DRC11: variants seen among roughly 807,000 people sequenced by gnomAD.
The protein encoded by DRC11 is dynein regulatory complex subunit 11.
chr2:236,314,002 T>C, the DRC11 span, among the ~76,000 whole-genome samples: 9 of 152,192 alleles, frequency 5.9e-5, no homozygotes, highest in Non-Finnish European at 1.2e-4. This position sits in a 1 kb window ranked among gnomAD's most constrained non-coding sequence, Gnocchi z 4.5. Flanking sequence ...GCTGTGCTCA[T>C]GGATACACAA....
chr2:236,451,911 T>A, the DRC11 span, among the ~76,000 whole-genome samples: 1 of 152,202 alleles, frequency 6.6e-6, no homozygotes, highest in Non-Finnish European at 1.5e-5. Context: ...GCTTTATTCA[T>A]TTAGTTATTT....
chr2:236,482,790 T>C, the DRC11 span, among the ~76,000 whole-genome samples: 1 of 152,226 alleles, frequency 6.6e-6, no homozygotes, highest in African/African-American at 2.4e-5. The surrounding 1 kb of genome is among the most constrained non-coding windows in gnomAD (Gnocchi z 4.5). Context: ...GAATCTCATG[T>C]AATTTTTATT....
At chr2:236,429,187 C>T in the DRC11 span, among the ~76,000 whole-genome samples, 4 of 152,080 alleles carry the variant, frequency 2.6e-5, no homozygotes, top group African/African-American at 4.8e-5. This position sits in a 1 kb window ranked among gnomAD's most constrained non-coding sequence, Gnocchi z 5.9. Flanking sequence ...GTGGTGGCTC[C>T]GAATCTGGGG....
the DRC11 span, among the ~76,000 whole-genome samples, chr2:236,459,672 C>CGTATATATGTATATACATACGTATATAT: frequency 1.4e-5 from 2 of 142,856 alleles, no homozygotes; most frequent in African/African-American, 5.2e-5. Flanking sequence ...TACGTATATA[C>CGTATATATGTATATACATACGTATATAT]GTATATATGT....
At chr2:236,378,674 CAA>C in the DRC11 span, among the ~76,000 whole-genome samples, 2,455 of 59,132 alleles carry the variant, frequency 0.042, 68 homozygotes, top group African/African-American at 0.12. Flanking sequence ...GACTCCGTCT[CAA>C]AAAAAAAAAA....
At chr2:236,441,360 A>G in the DRC11 span, among the ~76,000 whole-genome samples, 2 of 151,878 alleles carry the variant, frequency 1.3e-5, no homozygotes, top group South Asian at 4.2e-4. Flanking sequence ...TCTTTAAAAC[A>G]TATTGTACTT....
At chr2:236,338,041 C>A in the DRC11 span, among the ~76,000 whole-genome samples, 1 of 152,260 alleles carries the variant, frequency 6.6e-6, no homozygotes, top group Non-Finnish European at 1.5e-5. Context: ...TTTATATCTG[C>A]AGCACATGCT....
the DRC11 span, among the ~76,000 whole-genome samples, chr2:236,319,307 G>T: frequency 7.2e-5 from 11 of 152,342 alleles, no homozygotes; most frequent in African/African-American, 2.6e-4. The surrounding 1 kb of genome is among the most constrained non-coding windows in gnomAD (Gnocchi z 6.7). Context: ...CCTCACGATA[G>T]CGCAGGGAGG....
the DRC11 span, among the ~76,000 whole-genome samples, chr2:236,395,217 G>A: frequency 6.6e-6 from 1 of 152,128 alleles, no homozygotes; most frequent in Non-Finnish European, 1.5e-5. Context: ...TTCACACGGG[G>A]CAGGTGGCCA....
At chr2:236,417,963 T>A in the DRC11 span, among the ~76,000 whole-genome samples, 1 of 152,230 alleles carries the variant, frequency 6.6e-6, no homozygotes, top group Admixed American at 6.5e-5. Flanking sequence ...CACATTTTCT[T>A]TATCCAGTCT....
the DRC11 span, among the ~76,000 whole-genome samples, chr2:236,384,234 C>T: frequency 3.9e-5 from 6 of 152,014 alleles, no homozygotes; most frequent in African/African-American, 9.7e-5. Context: ...CCTGAGGCAT[C>T]GCCACACTGA....
the DRC11 span, among the ~76,000 whole-genome samples, chr2:236,357,159 C>CATATATATCTGTATATTATATATTCAT: frequency 4.8e-5 from 4 of 83,946 alleles, 1 homozygote; most frequent in Non-Finnish European, 8.8e-5. Flanking sequence ...ATTATGTATT[C>CATATATATCTGTATATTATATATTCAT]ATATATATCT....
the DRC11 span, among the ~76,000 whole-genome samples, chr2:236,358,406 AAT>A: frequency 9.9e-5 from 14 of 140,968 alleles, no homozygotes; most frequent in East Asian, 4.1e-4. Flanking sequence ...ATCATATATA[AAT>A]ATATATGATA....
At chr2:236,437,694 G>A in the DRC11 span, among the ~76,000 whole-genome samples, 1 of 151,824 alleles carries the variant, frequency 6.6e-6, no homozygotes, top group Non-Finnish European at 1.5e-5. Context: ...GATGGCCAGT[G>A]ATGCTGAGCA....
the DRC11 span, among the ~76,000 whole-genome samples, chr2:236,378,674 CAAAA>C: frequency 1.7e-5 from 1 of 59,150 alleles, no homozygotes; most frequent in African/African-American, 5.4e-5. Context: ...GACTCCGTCT[CAAAA>C]AAAAAAAAAA....
At chr2:236,412,218 G>C in the DRC11 span, among the ~76,000 whole-genome samples, 1 of 152,020 alleles carries the variant, frequency 6.6e-6, no homozygotes, top group Non-Finnish European at 1.5e-5. Flanking sequence ...CATGGCAGAG[G>C]GACTCAGGAG....
chr2:236,334,870 C>G, the DRC11 span, among the ~76,000 whole-genome samples: 29,755 of 151,702 alleles, frequency 0.2, 3,033 homozygotes, highest in African/African-American at 0.26. The surrounding 1 kb of genome is among the most constrained non-coding windows in gnomAD (Gnocchi z 7.8). Flanking sequence ...TAGCGAAATG[C>G]ACCCCAAGGA....
At chr2:236,377,292 G>A in the DRC11 span, 3 of 647,650 alleles carry the variant, frequency 4.6e-6, no homozygotes, top group East Asian at 2.7e-5. This position sits in a 1 kb window ranked among gnomAD's most constrained non-coding sequence, Gnocchi z 4.9. Flanking sequence ...CTATTTCAAA[G>A]TACATTTGTT....
chr2:236,392,211 T>C, the DRC11 span: 1 of 1,486,808 alleles, frequency 6.7e-7, no homozygotes, highest in Non-Finnish European at 9.3e-7. This position sits in a 1 kb window ranked among gnomAD's most constrained non-coding sequence, Gnocchi z 5.1. Flanking sequence ...AAGTAAATGA[T>C]TTGCTGTTAC....
Sources: gnomAD v4.1 joint callset for allele counts (sites outside exome capture counted in the v4.1 genomes callset) on GRCh38, gnomAD v4.1.1 for gene constraint, Gnocchi (gnomAD v3.1) non-coding constraint, MANE v1.5 for transcripts, NCBI Gene and HGNC (gene_info 2026-07-23, HGNC 2026-07-21) for gene names.